BAZ1A: variants seen among roughly 807,000 people sequenced by gnomAD.
The protein encoded by BAZ1A is bromodomain adjacent to zinc finger domain protein 1A.
Under a neutral mutation model 185.2 loss-of-function variants are expected in BAZ1A, and 50 were observed. That is an observed-to-expected ratio of 0.27 (90% confidence interval 0.22 to 0.34). The LOEUF (loss-of-function observed/expected upper bound fraction) is 0.34, where lower values mean the gene tolerates loss of function less well. Ranked by LOEUF, BAZ1A falls within the 10% of genes least tolerant of loss-of-function variation. The pLI, the probability that BAZ1A is intolerant of heterozygous loss-of-function variation, is 1.00. For synonymous variants in BAZ1A, 571 were observed against 615.6 expected (o/e 0.93, Z 1.07); for missense variants, 1,356 against 1,839.9 (o/e 0.74, Z 4.81).
chr14:34,811,036 C>T lies in BAZ1A; in HGVS notation c.537G>A (p.Gly179=). ...SETQSCSFQN[G]KKKDAIDPLL... ...AGGGATCAATTGCATCTTTTTTCTT[C>T]CTAAAAAGAAGAGGGAAAAGACACA... Residue 179 remains glycine, a splice_region_variant and synonymous_variant, in exon 5 of 27, where the codon GGG becomes GGA. Coordinates refer to ENST00000360310, the MANE Select transcript of BAZ1A (RefSeq NM_013448.3). 6.4e-7 allele frequency: 1 copy of T among 1,557,292 alleles called. No homozygotes were observed.
chr14:34,805,917 T>G (rs547334267), intron 6 of BAZ1A, among the ~76,000 whole-genome samples: 81 of 151,918 alleles, frequency 5.3e-4, no homozygotes, highest in Non-Finnish European at 2.8e-4. Flanking sequence ...CGGAGTCTCC[T>G]GTTGCCCAGG....
rs1594927081 is a variant in BAZ1A, at chr14:34,874,622, G to A, written c.-18C>T. 1 of 1,598,908 alleles carries A rather than the reference G, an allele frequency of 6.3e-7. No homozygotes were observed. The highest frequency in any genetic ancestry group is 8.5e-7 in the Non-Finnish European group (1 of 1,171,522). On this transcript the variant is annotated 5_prime_UTR_variant, in exon 2 of 27. Coordinates refer to ENST00000360310, the MANE Select transcript of BAZ1A (RefSeq NM_013448.3). The surrounding 1 kb of genome is among the most constrained non-coding windows in gnomAD (Gnocchi z 4.7). ...AGCGGCATCTCCCGTCCGCCCGCGGGCTCGCCTGGACCCTCGGCCGCCCGC... is the reference window on the plus strand; with the variant it reads ...AGCGGCATCTCCCGTCCGCCCGCGGACTCGCCTGGACCCTCGGCCGCCCGC...
intron 6 of BAZ1A, among the ~76,000 whole-genome samples, chr14:34,803,606 T>C (rs1881695851): frequency 1.4e-5 from 2 of 144,580 alleles, no homozygotes; most frequent in South Asian, 4.5e-4. Flanking sequence ...TAATTTGTTT[T>C]GCTTTGACAA....
At chr14:34,816,340 G>A (rs1419005279) in intron 4 of BAZ1A, among the ~76,000 whole-genome samples, 1 of 151,938 alleles carries the variant, frequency 6.6e-6, no homozygotes, top group East Asian at 1.9e-4. Flanking sequence ...ACCCGCCCTG[G>A]CCTCCCAAAG....
At chr14:34,843,355 A>G (rs1187700156) in intron 3 of BAZ1A, among the ~76,000 whole-genome samples, 1 of 152,154 alleles carries the variant, frequency 6.6e-6, no homozygotes, top group Non-Finnish European at 1.5e-5. Context: ...TGAGGCTTGT[A>G]CTTTCTTGCA....
intron 11 of BAZ1A, among the ~76,000 whole-genome samples, chr14:34,793,174 C>CATTTAA (rs1040946248): frequency 6.6e-6 from 1 of 152,092 alleles, no homozygotes; most frequent in African/African-American, 2.4e-5. Context: ...CAACATATTT[C>CATTTAA]ATTTAAATTT....
chr14:34,783,901 G>T lies in BAZ1A; in HGVS notation c.1858C>A (p.Leu620Ile). 1 of 1,599,260 alleles carries T rather than the reference G, an allele frequency of 6.3e-7. No individual in the cohort carries two copies. The highest frequency in any genetic ancestry group is 1.1e-5 in the South Asian group (1 of 87,764). ...PGEKMKILHA[L>I]CGKLLTLVST... ...ACTAGGGTCAGTAGCTTTCCACAGA[G>T]AGCATGGAGTATCTTCATTTTTTCT... Residue 620 changes from leucine to isoleucine, a missense_variant, in exon 15 of 27, where the codon CTC becomes ATC. Physicochemically the swap from Leu to Ile is conservative, Grantham distance 5 (BLOSUM62 2). This residue lies in a region of BAZ1A where 184 missense variants were observed against 355.1 expected (regional missense o/e 0.52). Coordinates refer to ENST00000360310, the MANE Select transcript of BAZ1A (RefSeq NM_013448.3).
intron 4 of BAZ1A, among the ~76,000 whole-genome samples, chr14:34,817,697 T>C (rs1330273819): frequency 6.6e-6 from 1 of 152,206 alleles, no homozygotes; most frequent in African/African-American, 2.4e-5. Context: ...AATGGGTATT[T>C]CTGCAAAAAA....
chr14:34,790,468 C>T (rs964068541), intron 12 of BAZ1A, among the ~76,000 whole-genome samples: 1 of 152,144 alleles, frequency 6.6e-6, no homozygotes, highest in African/African-American at 2.4e-5. Flanking sequence ...ATTATGGTGC[C>T]TTAGCTTCCC....
In BAZ1A at chr14:34,784,140, G is replaced by A. The variant is rs111575868; in HGVS notation, c.1832-213C>T. Among the ~76,000 whole-genome samples the A allele has an allele frequency of 8.0e-3, 1,214 of 151,442 alleles. 7 individuals carry two copies. The highest frequency in any genetic ancestry group is 0.014 in the Non-Finnish European group (962 of 67,890). On this transcript the variant is annotated intron_variant, in intron 14 of 26. Coordinates refer to ENST00000360310, the MANE Select transcript of BAZ1A (RefSeq NM_013448.3). ...TCCCAGCACTTTGGGAGGCCGAGGC[G>A]GGCAGATCACCTGAGGTCAGGAGTT... is the stretch of plus-strand genomic sequence containing the variant.
At chr14:34,829,138 C>A (rs1178965716) in intron 3 of BAZ1A, among the ~76,000 whole-genome samples, 1 of 151,982 alleles carries the variant, frequency 6.6e-6, no homozygotes, top group Non-Finnish European at 1.5e-5. Flanking sequence ...TAGTGGCATG[C>A]ACCTCTAATC....
intron 4 of BAZ1A, among the ~76,000 whole-genome samples, chr14:34,813,577 A>G (rs1400580729): frequency 1.9e-4 from 29 of 152,124 alleles, no homozygotes; most frequent in Admixed American, 1.9e-3. Flanking sequence ...CGAGCTACTC[A>G]GGAGGCTGAG....
Position 34,776,190 on chromosome 14 carries a change from C to G in BAZ1A, c.2562G>C (p.Gln854His). Residue 854 changes from glutamine (Q) to histidine (H), a missense_variant, in exon 18 of 27, where the codon CAG (glutamine) becomes CAC (histidine). Transcript: ENST00000360310. The stretch of plus-strand genomic sequence containing the variant: ...AAGGCTCTCCAGTTTTAGTGGATAC[C>G]TGAGGATCTTGAGACTGTACATTAT... ...FQNNVQSQDP[Q>H]VSTKTGEPLM... 2 of 1,614,154 alleles carry G rather than the reference C, an allele frequency of 1.2e-6. No homozygotes were observed. Among genetic ancestry groups the G allele is most frequent in the Non-Finnish European group, 1.7e-6 (2 of 1,180,024 alleles).
intron 25 of BAZ1A, among the ~76,000 whole-genome samples, chr14:34,757,638 C>T (rs1041367733): frequency 6.6e-6 from 1 of 151,592 alleles, no homozygotes; most frequent in Non-Finnish European, 1.5e-5. Context: ...GCACTCCAGC[C>T]GGGGGACAAA....
intron 25 of BAZ1A, among the ~76,000 whole-genome samples, chr14:34,757,401 G>A (rs1453911365): frequency 7.2e-6 from 1 of 138,850 alleles, no homozygotes; most frequent in Admixed American, 7.5e-5. Context: ...GCAGTGGCCC[G>A]TGCCTGTAAT....
chr14:34,854,976 G>A (rs577217410), intron 3 of BAZ1A, among the ~76,000 whole-genome samples: 108 of 152,148 alleles, frequency 7.1e-4, no homozygotes, highest in Non-Finnish European at 1.4e-3. Flanking sequence ...CTACTCAGGA[G>A]GCTGGGGCAC....
At chr14:34,873,936 G>C (rs891885691) in intron 2 of BAZ1A, among the ~76,000 whole-genome samples, 1 of 152,132 alleles carries the variant, frequency 6.6e-6, no homozygotes, top group African/African-American at 2.4e-5. Context: ...TCTAGAGCGA[G>C]TCTCAACTCC....
intron 6 of BAZ1A, among the ~76,000 whole-genome samples, chr14:34,803,239 T>G (rs1041753105): frequency 2.6e-5 from 4 of 151,768 alleles, no homozygotes; most frequent in African/African-American, 9.7e-5. Flanking sequence ...ATTAGCTGGG[T>G]GTGGTGGCAC....
intron 26 of BAZ1A, among the ~76,000 whole-genome samples, chr14:34,754,099 A>T (rs1288916727): frequency 6.6e-6 from 1 of 151,724 alleles, no homozygotes; most frequent in Non-Finnish European, 1.5e-5. Flanking sequence ...CTAAAAATAC[A>T]AAAATAGTGG....
Sources: gnomAD v4.1 joint callset for allele counts (sites outside exome capture counted in the v4.1 genomes callset) on GRCh38, gnomAD v4.1.1 for gene constraint, gnomAD v4.1.1 regional missense constraint, Gnocchi (gnomAD v3.1) non-coding constraint, MANE v1.5 for transcripts, NCBI Gene and HGNC (gene_info 2026-07-23, HGNC 2026-07-21) for gene names.